The following ZNF248 variants were observed in gnomAD, a reference collection of about 807,000 sequenced individuals.
ZNF248 encodes zinc finger protein 248.
ZNF248 carries 20 observed loss-of-function variants against 44.3 expected under a neutral mutation model. The ratio of observed to expected loss-of-function variants is 0.45; its 90% CI spans 0.32 to 0.66. The LOEUF (loss-of-function observed/expected upper bound fraction) is 0.66, where lower values mean the gene tolerates loss of function less well. Ranked by LOEUF, ZNF248 falls within the 30% of genes least tolerant of loss-of-function variation. ZNF248 has a pLI of 0.04. For missense variants in ZNF248, 654 were observed against 677.0 expected (o/e 0.97, Z 0.38); for synonymous variants, 224 against 229.0 (o/e 0.98, Z 0.20).
intron 6 of ZNF248, among the ~76,000 whole-genome samples, chr10:37,790,080 T>G: frequency 7.0e-6 from 1 of 141,996 alleles, no homozygotes; most frequent in African/African-American, 2.6e-5. Flanking sequence ...GCTAACACAG[T>G]GAAACCCCGT....
intron 6 of ZNF248, among the ~76,000 whole-genome samples, chr10:37,787,465 T>C (rs1402911830): frequency 6.6e-6 from 1 of 151,764 alleles, no homozygotes; most frequent in Non-Finnish European, 1.5e-5. Context: ...CAACTGATCT[T>C]TTTTCCTGTT....
chr10:37,836,204 G>T (rs1275998485), intron 5 of ZNF248, among the ~76,000 whole-genome samples: 3 of 152,076 alleles, frequency 2.0e-5, no homozygotes, highest in Admixed American at 6.6e-5. Context: ...CTCCTCTGAA[G>T]CACATAATGG....
Position 37,832,294 on chromosome 10 carries a change from T to C in ZNF248, c.1061A>G (p.Tyr354Cys). Residue 354 changes from tyrosine to cysteine, a missense_variant, in exon 6 of 6, where the codon TAC becomes TGC. Physicochemically the swap from Tyr to Cys is radical, Grantham distance 194. Transcript: ENST00000395867. ...IVHMGGKSYD[Y>C]NENGSNFSKK... The stretch of plus-strand genomic sequence containing the variant: ...GCTGAAATTACTCCCATTTTCATTG[T>C]AATCATAAGACTTTCCCCCCATGTG... 1.9e-6 allele frequency: 3 copies of C among 1,614,094 alleles called. No individual in the cohort carries two copies. Among genetic ancestry groups the C allele is most frequent in the Non-Finnish European group, 2.5e-6 (3 of 1,179,966 alleles).
intron 5 of ZNF248, among the ~76,000 whole-genome samples, chr10:37,837,348 C>G (rs368791202): frequency 6.6e-6 from 1 of 152,094 alleles, no homozygotes; most frequent in South Asian, 2.1e-4. Context: ...CTCTTGACCT[C>G]GTCATCCGCC....
At chr10:37,790,248 G>A (rs557214940) in intron 6 of ZNF248, among the ~76,000 whole-genome samples, 1 of 146,802 alleles carries the variant, frequency 6.8e-6, no homozygotes, top group African/African-American at 2.5e-5. Flanking sequence ...TCCAGCCTGG[G>A]TGACAGAGCA....
At chr10:37,760,291 C>T in the ZNF248 span, among the ~76,000 whole-genome samples, 1 of 152,084 alleles carries the variant, frequency 6.6e-6, no homozygotes, top group Non-Finnish European at 1.5e-5. Context: ...GGCAGTGGTG[C>T]AATGCACAGC....
Position 37,831,586 on chromosome 10 carries a change from T to C in ZNF248, c.*29A>G, listed in dbSNP as rs2055642832. The C allele has an allele frequency of 4.4e-6, 7 of 1,595,752 alleles. No homozygotes were observed. In the South Asian group the frequency reaches 6.8e-5, roughly 15 times the overall value. ...TCCTTTTTTGAAACTGTATAACCAA[T>C]TTCACAAGTGTATGAAGGCTTCTAA... On this transcript the variant is annotated 3_prime_UTR_variant, in exon 6 of 6. Coordinates refer to ENST00000395867, the MANE Select transcript of ZNF248 (RefSeq NM_021045.3).
the ZNF248 span, among the ~76,000 whole-genome samples, chr10:37,763,490 G>A: frequency 2.5e-3 from 379 of 152,324 alleles, no homozygotes; most frequent in Middle Eastern, 0.017. Flanking sequence ...TGCTGAGTTG[G>A]TCAGGTCCCA....
chr10:37,800,591 T>C (rs575922651), intron 6 of ZNF248, among the ~76,000 whole-genome samples: 1 of 152,208 alleles, frequency 6.6e-6, no homozygotes, highest in Non-Finnish European at 1.5e-5. Context: ...TGTGTGCATG[T>C]GTCTTTATGG....
At chr10:37,821,221 A>G (rs1483945496) in intron 6 of ZNF248, among the ~76,000 whole-genome samples, 1 of 152,106 alleles carries the variant, frequency 6.6e-6, no homozygotes, top group Non-Finnish European at 1.5e-5. Flanking sequence ...TACAAAAATG[A>G]CATACCTATT....
chr10:37,826,161 TTG>T (rs1023209996), downstream of ZNF248, among the ~76,000 whole-genome samples: 7 of 152,150 alleles, frequency 4.6e-5, no homozygotes, highest in Non-Finnish European at 1.0e-4. Context: ...ACCATATATA[TTG>T]TATTTCCATT....
At chr10:37,791,995 C>A (rs893150308) in intron 6 of ZNF248, 2 of 152,212 alleles carry the variant, frequency 1.3e-5, no homozygotes, top group Non-Finnish European at 2.9e-5. Context: ...CTGGGATACT[C>A]TCTTGCAGAA....
intron 6 of ZNF248, among the ~76,000 whole-genome samples, chr10:37,822,439 T>C (rs1435290244): frequency 6.6e-6 from 1 of 152,008 alleles, no homozygotes; most frequent in Non-Finnish European, 1.5e-5. Context: ...GAAAACAATC[T>C]AAAAGAAATG....
chr10:37,771,996 G>A (rs1304520945), downstream of ZNF248, among the ~76,000 whole-genome samples: 1 of 152,190 alleles, frequency 6.6e-6, no homozygotes, highest in Non-Finnish European at 1.5e-5. Flanking sequence ...GCCGGCTGCA[G>A]TGGCTCATAC....
chr10:37,839,257 T>C (rs929550887), intron 3 of ZNF248, among the ~76,000 whole-genome samples: 2 of 152,210 alleles, frequency 1.3e-5, no homozygotes, highest in Non-Finnish European at 2.9e-5. Context: ...TTAAGTGTGT[T>C]CTGTGAGACT....
At chr10:37,768,700 C>A in the ZNF248 span, among the ~76,000 whole-genome samples, 9 of 152,064 alleles carry the variant, frequency 5.9e-5, no homozygotes, top group African/African-American at 2.2e-4. Flanking sequence ...CCTAACGTCA[C>A]AATTAAAAGA....
intron 6 of ZNF248, among the ~76,000 whole-genome samples, chr10:37,787,312 C>T (rs921938000): frequency 6.6e-6 from 1 of 151,510 alleles, no homozygotes; most frequent in Non-Finnish European, 1.5e-5. Context: ...AAGTAAAATA[C>T]ATAAATAAAT....
At position 37,829,620 on chromosome 10, in the gene ZNF248, G is replaced by A; in HGVS notation, c.*1995C>T. 4.1e-6 allele frequency: 4 copies of A among 985,454 alleles called. No individual in the cohort carries two copies. The South Asian group carries it at 1.9e-4, about 46-fold the overall frequency. 61.0% of individuals were successfully genotyped at this position (985,454 alleles called of 1,614,324 possible). A position where few individuals can be genotyped will look rare whatever the true frequency, so the allele number is the denominator to read the frequency against. ...GTAGAGAACAGGTATAGAGAGCAGA[G>A]TAGCTCGGCAACGTCACCTCTGAGC... On this transcript the variant is annotated 3_prime_UTR_variant, in exon 6 of 6. Transcript: ENST00000395867.
intron 3 of ZNF248, among the ~76,000 whole-genome samples, chr10:37,846,995 T>G (rs934666413): frequency 7.2e-5 from 11 of 152,128 alleles, no homozygotes; most frequent in African/African-American, 2.7e-4. Context: ...ATTAAGAAAT[T>G]TTCAAATTTT....
Sources: gnomAD v4.1 joint callset for allele counts (sites outside exome capture counted in the v4.1 genomes callset) on GRCh38, gnomAD v4.1.1 for gene constraint, MANE v1.5 for transcripts, NCBI Gene and HGNC (gene_info 2026-07-23, HGNC 2026-07-21) for gene names.